Variants in ANO10 observed in about 807,000 individuals in gnomAD.
The protein encoded by ANO10 is anoctamin 10, also known as anoctamin-10.
ANO10 carries 77 observed loss-of-function variants against 74.7 expected under a neutral mutation model. The ratio of observed to expected loss-of-function variants is 1.03; its 90% CI spans 0.86 to 1.25. ANO10 has a LOEUF of 1.25. ANO10 is among the 50% of genes most tolerant of loss of function. The pLI is 0.00. For synonymous variants in ANO10, 279 were observed against 284.9 expected (o/e 0.98, Z 0.21); for missense variants, 721 against 778.1 (o/e 0.93, Z 0.87).
At chr3:43,665,743 C>T (rs1479634920) in intron 1 of ANO10, among the ~76,000 whole-genome samples, 1 of 152,170 alleles carries the variant, frequency 6.6e-6, no homozygotes, top group African/African-American at 2.4e-5. Context: ...GTAGCTCTGA[C>T]TTTGAGATCC....
intron 11 of ANO10, among the ~76,000 whole-genome samples, chr3:43,508,444 G>C (rs1038918231): frequency 3.3e-5 from 5 of 152,140 alleles, no homozygotes; most frequent in African/African-American, 1.2e-4. Context: ...CCATTACTGG[G>C]CATATACCCA....
chr3:43,600,310 G>C, intron 3 of ANO10, 74 bp downstream of exon 3: 1 of 1,561,716 alleles, frequency 6.4e-7, no homozygotes, highest in Non-Finnish European at 8.8e-7. Flanking sequence ...AAAGTTTGCT[G>C]ATCCCTGATC....
chr3:43,508,943 T>TAAAAAAAAAA (rs35265220), intron 11 of ANO10, among the ~76,000 whole-genome samples: 2 of 104,706 alleles, frequency 1.9e-5, no homozygotes, highest in African/African-American at 3.5e-5. Context: ...TAAAGTATAA[T>TAAAAAAAAAA]AAAAAAAAAA....
At chr3:43,483,629 G>GCCCCCCCCC (rs2076354129) in intron 11 of ANO10, among the ~76,000 whole-genome samples, 2 of 152,194 alleles carry the variant, frequency 1.3e-5, no homozygotes, top group African/African-American at 4.8e-5. Context: ...TTTATCCTGA[G>GCCCCCCCCC]CCAATATGAG....
At chr3:43,431,797 T>C (rs1388231128) in intron 12 of ANO10, among the ~76,000 whole-genome samples, 1 of 152,106 alleles carries the variant, frequency 6.6e-6, no homozygotes, top group Non-Finnish European at 1.5e-5. Context: ...CGCACTACCC[T>C]TGGAGCCCTC....
At chr3:43,419,053 G>A (rs769178487) in intron 12 of ANO10, among the ~76,000 whole-genome samples, 2 of 152,220 alleles carry the variant, frequency 1.3e-5, no homozygotes, top group Non-Finnish European at 2.9e-5. Context: ...CAGAGAATCT[G>A]TTTCCAAGAT....
intron 11 of ANO10, among the ~76,000 whole-genome samples, chr3:43,474,127 T>C (rs181243968): frequency 2.0e-5 from 3 of 152,318 alleles, no homozygotes; most frequent in East Asian, 3.9e-4. Context: ...AAAATGATGA[T>C]TATTGATTTC....
At chr3:43,609,842 G>T (rs932717963) in intron 1 of ANO10, among the ~76,000 whole-genome samples, 1 of 152,160 alleles carries the variant, frequency 6.6e-6, no homozygotes, top group Non-Finnish European at 1.5e-5. Context: ...GAATACACCT[G>T]TATAGGGTAT....
chr3:43,466,891 A>C (rs890568340), intron 11 of ANO10, among the ~76,000 whole-genome samples: 7 of 152,248 alleles, frequency 4.6e-5, no homozygotes, highest in African/African-American at 1.7e-4. Flanking sequence ...GAATATGTAA[A>C]GAATACATGA....
chr3:43,481,932 T>C (rs962631333), intron 11 of ANO10, among the ~76,000 whole-genome samples: 5 of 147,428 alleles, frequency 3.4e-5, no homozygotes, highest in Non-Finnish European at 7.5e-5. Context: ...TTTTTCTTTT[T>C]TTTTTTTTTT....
chr3:43,376,752 T>C (rs2091819875), intron 12 of ANO10, among the ~76,000 whole-genome samples: 1 of 152,204 alleles, frequency 6.6e-6, no homozygotes. Context: ...AAGAATGAAG[T>C]TTCTTTTTAA....
At chr3:43,446,531 G>T (rs1366836131) in intron 11 of ANO10, among the ~76,000 whole-genome samples, 6 of 152,120 alleles carry the variant, frequency 3.9e-5, no homozygotes, top group African/African-American at 1.4e-4. Flanking sequence ...TTTTCTTGAA[G>T]AAAATACTGG....
chr3:43,405,905 G>A (rs2092567908), intron 12 of ANO10, among the ~76,000 whole-genome samples: 1 of 151,984 alleles, frequency 6.6e-6, no homozygotes, highest in Non-Finnish European at 1.5e-5. Flanking sequence ...CTACTTCTTT[G>A]AACCTGAAAA....
chr3:43,553,537 CTCTTT>C (rs1316363633), intron 10 of ANO10, among the ~76,000 whole-genome samples: 8 of 102,590 alleles, frequency 7.8e-5, no homozygotes, highest in East Asian at 3.6e-4. Flanking sequence ...GATAATTTCT[CTCTTT>C]TTTTTTTTTT....
rs139364152 is a variant in ANO10 at position 43,548,172 on chromosome 3, T to C, written c.1797+1548A>G. Among the ~76,000 whole-genome samples, 114 of 152,346 alleles carry C rather than the reference T, an allele frequency of 7.5e-4. No homozygotes were observed. In the East Asian group the frequency reaches 0.021, roughly 29 times the overall value. ...TCTGGTCAATCCCTTGTAAGTTTCA[T>C]GAGTTTTAAGTTTCAGTCAGTCCCA... is the stretch of plus-strand genomic sequence containing the variant. On this transcript the variant is annotated intron_variant, in intron 11 of 12. Coordinates refer to ENST00000292246, the MANE Select transcript of ANO10 (RefSeq NM_018075.5).
chr3:43,500,097 C>T (rs1039580373), intron 11 of ANO10, among the ~76,000 whole-genome samples: 40 of 152,050 alleles, frequency 2.6e-4, no homozygotes, highest in Admixed American at 3.9e-4. Flanking sequence ...TCCACCTGCC[C>T]GGCCTCCCAA....
intron 11 of ANO10, among the ~76,000 whole-genome samples, chr3:43,510,864 A>G (rs1421989434): frequency 6.6e-6 from 1 of 152,202 alleles, no homozygotes; most frequent in Admixed American, 6.5e-5. Flanking sequence ...CAGGGTTTAC[A>G]TTCTGTATGC....
chr3:43,436,960 C>T (rs1283641017), intron 11 of ANO10, among the ~76,000 whole-genome samples: 1 of 152,160 alleles, frequency 6.6e-6, no homozygotes, highest in East Asian at 1.9e-4. Context: ...TGTCTCCATT[C>T]AGATGGCAGC....
chr3:43,460,656 C>T (rs1463103528), intron 11 of ANO10, among the ~76,000 whole-genome samples: 1 of 152,156 alleles, frequency 6.6e-6, no homozygotes, highest in East Asian at 1.9e-4. Flanking sequence ...CCAAGACTCA[C>T]CAAACACTTG....
Sources: allele counts gnomAD v4.1 joint callset (sites outside exome capture counted in the v4.1 genomes callset), GRCh38; gene constraint gnomAD v4.1.1; transcripts MANE v1.5; gene names NCBI Gene and HGNC (gene_info 2026-07-23, HGNC 2026-07-21).